CEP97: variants seen among roughly 807,000 people sequenced by gnomAD.
CEP97 encodes centrosomal protein 97.
CEP97 carries 43 observed loss-of-function variants against 73.1 expected under a neutral mutation model. The observed-to-expected ratio is 0.59, with a 90% confidence interval of 0.46 to 0.76. The LOEUF (loss-of-function observed/expected upper bound fraction) is 0.76, where lower values mean the gene tolerates loss of function less well. Among genes scored for constraint, CEP97 ranks in the 30% least tolerant of loss-of-function variants. CEP97 has a pLI of 0.00. For synonymous variants in CEP97, 337 were observed against 370.0 expected (o/e 0.91, Z 1.02); for missense variants, 939 against 1,014.0 (o/e 0.93, Z 1.00).
chr3:101,730,956 T>A (rs374156799), intron 4 of CEP97, among the ~76,000 whole-genome samples: 1 of 133,970 alleles, frequency 7.5e-6, no homozygotes, highest in Non-Finnish European at 1.7e-5. Context: ...GATGATTGAA[T>A]TTTTTTTTTT....
intron 6 of CEP97, among the ~76,000 whole-genome samples, chr3:101,740,176 A>G (rs1938405174): frequency 6.6e-6 from 1 of 152,218 alleles, no homozygotes; most frequent in African/African-American, 2.4e-5. Flanking sequence ...GAAGAGAGGA[A>G]GTCAAATTGT....
chr3:101,761,781 A>C (rs1939184101), intron 9 of CEP97, among the ~76,000 whole-genome samples: 2 of 152,166 alleles, frequency 1.3e-5, no homozygotes, highest in Non-Finnish European at 2.9e-5. Flanking sequence ...GGCTAGAGAA[A>C]GTGGAGAATT....
intron 5 of CEP97, among the ~76,000 whole-genome samples, 156 bp from the exon 6 acceptor site, chr3:101,732,332 T>G (rs1470238610): frequency 6.6e-6 from 1 of 152,250 alleles, no homozygotes; most frequent in Admixed American, 6.5e-5. Context: ...ATGGCTATAT[T>G]GTTGAAACTT....
rs1364406357 is a variant in CEP97, at chr3:101,725,891, A to G, written c.44-703A>G. Among the ~76,000 whole-genome samples, 3 of 142,454 alleles carry G rather than the reference A, an allele frequency of 2.1e-5. No individual in the cohort carries two copies. In the Admixed American group the frequency reaches 2.1e-4, roughly 10 times the overall value. The allele number at this position is 142,454 out of a possible 152,430, so 93.5% of individuals were successfully genotyped here. ...TTTTTTTTTTTGTTTTTTTTTTTACATTATCTCATTTTCTCTGTAGAACTA... is the reference window on the plus strand; with the variant it reads ...TTTTTTTTTTTGTTTTTTTTTTTACGTTATCTCATTTTCTCTGTAGAACTA... On this transcript the variant is annotated intron_variant, in intron 1 of 10. Coordinates refer to ENST00000341893, the MANE Select transcript of CEP97 (RefSeq NM_024548.4).
rs745938814 is a variant in CEP97 at position 101,762,523 on chromosome 3, T to C, written c.1856T>C (p.Phe619Ser). The change falls in exon 10 of 11, where the codon TTT (phenylalanine) becomes TCT (serine). Residue 619 changes from phenylalanine (F) to serine (S), a missense_variant. Coordinates refer to ENST00000341893, the MANE Select transcript of CEP97 (RefSeq NM_024548.4). ...KERDEERIKK[F>S]VQEEAFRFLW... is the part of the protein sequence containing the mutation. The stretch of plus-strand genomic sequence containing the variant: ...AGAGATGAAGAACGTATTAAAAAAT[T>C]TGTACAAGAAGAAGCTTTCAGATTC... 6 of 1,611,442 alleles carry C rather than the reference T, an allele frequency of 3.7e-6. No homozygotes were observed. The South Asian group carries it at 6.6e-5, about 18-fold the overall frequency.
intron 6 of CEP97, 110 bp from the exon 7 acceptor site, chr3:101,755,320 A>T: frequency 1.1e-6 from 1 of 886,876 alleles, no homozygotes; most frequent in Non-Finnish European, 1.7e-6. Flanking sequence ...TTTATGAAAA[A>T]CATACAATGG....
chr3:101,753,584 T>C (rs1938908747), intron 6 of CEP97, among the ~76,000 whole-genome samples: 1 of 152,256 alleles, frequency 6.6e-6, no homozygotes, highest in Admixed American at 6.5e-5. Flanking sequence ...CTGCTTTGTT[T>C]ACCTAAGCGA....
At position 101,732,592 on chromosome 3, in the gene CEP97, C is replaced by T. The variant is rs1180940361; in HGVS notation, c.666C>T (p.Tyr222=). 2 of 1,614,070 alleles carry T rather than the reference C, an allele frequency of 1.2e-6. No individual in the cohort carries two copies. The highest frequency in any genetic ancestry group is 2.2e-5 in the East Asian group (1 of 44,888). ...TCCCAGGATTTGACTATCGGCCGTA[C>T]ATCGTCAGCTGGTGCCTAAACCTCA... ...PSIPGFDYRP[Y]IVSWCLNLRV... is the part of the protein sequence containing the mutation. Residue 222 remains tyrosine (Y), a synonymous_variant, in exon 6 of 11, where the codon TAC becomes TAT. Transcript: ENST00000341893.
rs142859399 is a variant in CEP97 at position 101,765,474 on chromosome 3, T to C, written c.2521T>C (p.Leu841=). The C allele has an allele frequency of 5.0e-6, 8 of 1,614,166 alleles. No individual in the cohort carries two copies. Among genetic ancestry groups the C allele is most frequent in the Non-Finnish European group, 6.8e-6 (8 of 1,180,014 alleles). ...EISQTQENSK[L]NAEVQGQQPE... ...TAGCCAGACACAAGAGAATTCTAAATTAAATGCAGAAGTTCAGGGGCAGCA... is the reference window on the plus strand; with the variant it reads ...TAGCCAGACACAAGAGAATTCTAAACTAAATGCAGAAGTTCAGGGGCAGCA... The change falls in exon 11 of 11, where the codon TTA becomes CTA. Residue 841 remains leucine (L), a synonymous_variant. Coordinates refer to ENST00000341893, the MANE Select transcript of CEP97 (RefSeq NM_024548.4).
chr3:101,729,208 A>G (rs890722065), intron 4 of CEP97, among the ~76,000 whole-genome samples: 2 of 152,026 alleles, frequency 1.3e-5, no homozygotes, highest in African/African-American at 4.8e-5. Flanking sequence ...AGTGGGGCAT[A>G]GTGGTGCGAG....
At chr3:101,755,686 T>C in intron 7 of CEP97, 92 bp downstream of exon 7, 2 of 1,273,038 alleles carry the variant, frequency 1.6e-6, no homozygotes, top group East Asian at 4.7e-5. Context: ...AGGCAAGTGC[T>C]GCGGCCCACA....
intron 6 of CEP97, among the ~76,000 whole-genome samples, chr3:101,751,577 C>T (rs552376167): frequency 2.2e-4 from 33 of 152,266 alleles, no homozygotes; most frequent in African/African-American, 7.7e-4. Context: ...TAAAGACTTG[C>T]TTTATGAATC....
Position 101,757,794 on chromosome 3 carries a change from T to C in CEP97, c.1188T>C (p.Cys396=), listed in dbSNP as rs757201607. 1.2e-6 allele frequency: 2 copies of C among 1,614,264 alleles called. No individual in the cohort carries two copies. The highest frequency in any genetic ancestry group is 1.1e-5 in the South Asian group (1 of 91,092). The change falls in exon 9 of 11, where the codon TGT becomes TGC. Residue 396 remains cysteine (C), a synonymous_variant. Coordinates refer to ENST00000341893, the MANE Select transcript of CEP97 (RefSeq NM_024548.4). ...AGACGGATGAGGACAAGTTAAACTG[T>C]AGTCTTCTCTCTTCAGAGTCTACTT... The part of the protein sequence containing the change: ...DIQTDEDKLN[C]SLLSSESTFM...
chr3:101,757,750 C>T lies in CEP97; in HGVS notation c.1144C>T (p.Leu382=), dbSNP rs750853492. Residue 382 remains leucine (L), a synonymous_variant, in exon 9 of 11, where the codon CTG becomes TTG. Transcript: ENST00000341893. ...VHTTRYSRND[L]HLEDIQTDED... Reference sequence around the variant, plus strand: ...CACTACGAGATATTCTCGAAATGATCTGCACCTGGAAGACATACAGACGGA... The same window carrying T: ...CACTACGAGATATTCTCGAAATGATTTGCACCTGGAAGACATACAGACGGA... 2 of 1,614,244 alleles carry T rather than the reference C, an allele frequency of 1.2e-6. No individual in the cohort carries two copies. Among genetic ancestry groups the T allele is most frequent in the Non-Finnish European group, 1.7e-6 (2 of 1,180,046 alleles).
At position 101,761,831 on chromosome 3, in the gene CEP97, G is replaced by A. The variant is rs1367280264; in HGVS notation, c.1818-654G>A. On this transcript the variant is annotated intron_variant, in intron 9 of 10. Transcript: ENST00000341893. ...GAACAAAATGGTCTTGACAGTTTGG[G>A]TGATAATGGATCACTAAAGGAGGAG... Among the ~76,000 whole-genome samples the A allele has an allele frequency of 2.6e-5, 4 of 152,182 alleles. No individual in the cohort carries two copies. In the East Asian group the frequency reaches 7.7e-4, roughly 29 times the overall value.
At chr3:101,760,046 AGAG>A (rs1939128885) in intron 9 of CEP97, among the ~76,000 whole-genome samples, 1 of 147,274 alleles carries the variant, frequency 6.8e-6, no homozygotes, top group African/African-American at 2.5e-5. Context: ...AAAAAAAAAA[AGAG>A]GAAGAGCAGG....
In CEP97 at chr3:101,755,462, A is replaced by G. The variant is rs1324621095; in HGVS notation, c.761A>G (p.Lys254Arg). 4 of 1,614,018 alleles carry G rather than the reference A, an allele frequency of 2.5e-6. No individual in the cohort carries two copies. Among genetic ancestry groups the G allele is most frequent in the African/African-American group, 2.7e-5 (2 of 74,900 alleles). The change falls in exon 7 of 11, where the codon AAG (lysine) becomes AGG (arginine). Residue 254 changes from lysine (K) to arginine (R), a missense_variant. Transcript: ENST00000341893. ...LKAEWLYSQG[K>R]GRAYRPGQHI... is the part of the protein sequence containing the mutation. The stretch of plus-strand genomic sequence containing the variant: ...GCTGAATGGCTCTATAGTCAAGGCA[A>G]GGGGAGAGCATATCGGCCTGGCCAG...
intron 4 of CEP97, among the ~76,000 whole-genome samples, chr3:101,730,777 A>G (rs1331268023): frequency 6.6e-6 from 1 of 152,142 alleles, no homozygotes; most frequent in Non-Finnish European, 1.5e-5. Context: ...TTGTTGCCTC[A>G]TTGGATATTA....
Position 101,767,126 on chromosome 3 carries a change from T to A in CEP97, c.*1575T>A, listed in dbSNP as rs1269885384. 1 of 152,174 alleles carries A rather than the reference T, an allele frequency of 6.6e-6. No homozygotes were observed. The highest frequency in any genetic ancestry group is 1.5e-5 in the Non-Finnish European group (1 of 68,038). The allele number at this position is 152,174 out of a possible 1,614,324, so 9.4% of individuals were successfully genotyped here. Reference sequence around the variant, plus strand: ...GTTGATAGTCATAACATTTTTCCTGTATGGTAAGACGTATTTTTCTCAGTT... The same window carrying A: ...GTTGATAGTCATAACATTTTTCCTGAATGGTAAGACGTATTTTTCTCAGTT... On this transcript the variant is annotated 3_prime_UTR_variant, in exon 11 of 11. Transcript: ENST00000341893.
Sources: gnomAD v4.1 joint callset for allele counts (sites outside exome capture counted in the v4.1 genomes callset) on GRCh38, gnomAD v4.1.1 for gene constraint, MANE v1.5 for transcripts, NCBI Gene and HGNC (gene_info 2026-07-23, HGNC 2026-07-21) for gene names.